OPHN1: variants seen among roughly 807,000 people sequenced by gnomAD.
The protein encoded by OPHN1 is oligophrenin 1, also known as oligophrenin-1.
In OPHN1, 11 loss-of-function variants were observed where a neutral mutation model predicts 60.7. The ratio of observed to expected loss-of-function variants is 0.18; its 90% CI spans 0.11 to 0.30. OPHN1 has a LOEUF of 0.30. Among genes scored for constraint, OPHN1 ranks in the 10% least tolerant of loss-of-function variants. The probability of loss-of-function intolerance (pLI) is 1.00; values close to 1 mark genes in which losing one functional copy is unlikely to be tolerated. For synonymous variants in OPHN1, 226 were observed against 222.6 expected (o/e 1.02, Z -0.14); for missense variants, 449 against 611.0 (o/e 0.73, Z 2.80).
chrX:68,177,620 G>A (rs2077419866), intron 15 of OPHN1, among the ~76,000 whole-genome samples: 1 of 111,183 alleles, frequency 9.0e-6, no homozygotes, highest in African/African-American at 3.3e-5. Flanking sequence ...TTTCTGGGGA[G>A]GCCTCAGGAA....
At chrX:68,078,984 A>AAAT (rs2076964126) in intron 19 of OPHN1, among the ~76,000 whole-genome samples, 2 of 102,032 alleles carry the variant, frequency 2.0e-5, no homozygotes, top group East Asian at 3.3e-4. Context: ...AGACTGTCTC[A>AAAT]AAATAAATAA....
intron 16 of OPHN1, 96 bp downstream of exon 16, chrX:68,119,152 C>G (rs2077139748): frequency 3.3e-6 from 2 of 612,769 alleles, no homozygotes; most frequent in Non-Finnish European, 5.5e-6. Context: ...CAATTCTATC[C>G]AAACTCCTGG....
At chrX:68,059,564 G>T (rs1255247215) in intron 21 of OPHN1, among the ~76,000 whole-genome samples, 6 of 112,116 alleles carry the variant, frequency 5.4e-5, no homozygotes, top group Non-Finnish European at 1.1e-4. Context: ...TAAAGCATAA[G>T]TCCAAACAAG....
At chrX:68,126,431 AT>A (rs1355610905) in intron 15 of OPHN1, among the ~76,000 whole-genome samples, 1 of 110,299 alleles carries the variant, frequency 9.1e-6, no homozygotes, top group Non-Finnish European at 1.9e-5. Flanking sequence ...GCAATTCCAG[AT>A]TTATAGTCTG....
At chrX:68,276,846 T>C (rs906508214) in intron 4 of OPHN1, among the ~76,000 whole-genome samples, 3 of 110,612 alleles carry the variant, frequency 2.7e-5, no homozygotes, top group Admixed American at 1.9e-4. Context: ...GAAGTTTAAT[T>C]ACCCTGAGAT....
chrX:68,419,320 G>A (rs1358275161), intron 2 of OPHN1, among the ~76,000 whole-genome samples: 2 of 108,786 alleles, frequency 1.8e-5, no homozygotes, highest in African/African-American at 3.4e-5. Context: ...CTCTGCTAGC[G>A]TGGCCATCCA....
intron 9 of OPHN1, 126 bp downstream of exon 9, chrX:68,210,027 C>A: frequency 1.5e-6 from 1 of 659,489 alleles, no homozygotes; most frequent in South Asian, 2.4e-5. Context: ...TCCCTGCCTG[C>A]GTTCCAAGGG....
At chrX:68,177,564 C>T (rs928715889) in intron 15 of OPHN1, among the ~76,000 whole-genome samples, 2 of 110,545 alleles carry the variant, frequency 1.8e-5, no homozygotes, top group Non-Finnish European at 3.8e-5. Context: ...AATTGGCTCA[C>T]GGTTCTGCAG....
chrX:68,406,945 T>G (rs998644607), intron 2 of OPHN1, among the ~76,000 whole-genome samples: 22 of 112,659 alleles, frequency 2.0e-4, no homozygotes, highest in Non-Finnish European at 1.9e-5. Context: ...GGCTCATGCC[T>G]GTAATCCCAG....
chrX:68,278,881 G>A (rs938903450), intron 4 of OPHN1, among the ~76,000 whole-genome samples: 3 of 110,149 alleles, frequency 2.7e-5, no homozygotes, highest in South Asian at 3.9e-4. Context: ...GGGAGACTCC[G>A]TCACAAAAAA....
chrX:68,257,769 T>C (rs958425648), intron 5 of OPHN1, among the ~76,000 whole-genome samples: 4 of 111,210 alleles, frequency 3.6e-5, no homozygotes, highest in Admixed American at 9.7e-5. Flanking sequence ...GAAGCTATTG[T>C]AGTGGAAAAC....
intron 19 of OPHN1, among the ~76,000 whole-genome samples, chrX:68,084,898 G>A (rs1011216048): frequency 8.9e-6 from 1 of 112,010 alleles, no homozygotes; most frequent in African/African-American, 3.2e-5. Flanking sequence ...AAAGCAAAGG[G>A]GAAACTTCCT....
At chrX:68,070,270 A>G (rs1402747619) in intron 20 of OPHN1, among the ~76,000 whole-genome samples, 1 of 111,515 alleles carries the variant, frequency 9.0e-6, no homozygotes, top group East Asian at 2.9e-4. Flanking sequence ...ATATGCATAT[A>G]TGCATTCTAG....
chrX:68,119,541 C>T (rs1439936682), intron 15 of OPHN1, among the ~76,000 whole-genome samples: 1 of 111,676 alleles, frequency 9.0e-6, no homozygotes, highest in Non-Finnish European at 1.9e-5. Context: ...CCAATTCACA[C>T]AACAAGAAAA....
intron 2 of OPHN1, among the ~76,000 whole-genome samples, chrX:68,410,926 A>G (rs931829998): frequency 9.8e-5 from 11 of 111,912 alleles, no homozygotes; most frequent in African/African-American, 2.9e-4. Context: ...ACATAATGTA[A>G]TATTATTTCA....
intron 15 of OPHN1, among the ~76,000 whole-genome samples, chrX:68,179,966 C>A (rs1337592871): frequency 1.8e-5 from 2 of 111,221 alleles, no homozygotes; most frequent in Non-Finnish European, 3.8e-5. Flanking sequence ...ACTTAATCAC[C>A]TCTTAAAGGC....
chrX:68,276,103 T>C (rs777939469), intron 4 of OPHN1, among the ~76,000 whole-genome samples: 1 of 111,940 alleles, frequency 8.9e-6, no homozygotes, highest in Admixed American at 9.5e-5. Flanking sequence ...AGTGCTTTTA[T>C]AGTTGGCTTT....
intron 2 of OPHN1, among the ~76,000 whole-genome samples, chrX:68,340,351 A>G (rs1215455202): frequency 8.9e-6 from 1 of 112,598 alleles, no homozygotes; most frequent in African/African-American, 3.2e-5. Context: ...TGGTCTTGGC[A>G]TAAACATAGA....
Position 68,043,975 on chromosome X carries a change from A to G in OPHN1, c.*3197T>C, listed in dbSNP as rs2076824541. 1 of 111,993 alleles carries G rather than the reference A, an allele frequency of 8.9e-6. No individual in the cohort carries two copies. The highest frequency in any genetic ancestry group is 3.7e-4 in the South Asian group (1 of 2,691). 9.2% of individuals were successfully genotyped at this position (111,993 alleles called of 1,213,427 possible). A position where few individuals can be genotyped will look rare whatever the true frequency, so the allele number is the denominator to read the frequency against. On this transcript the variant is annotated 3_prime_UTR_variant, in exon 25 of 25. Transcript: ENST00000355520. ...CCTGTGAGGACCTTTTTACTTTTTGAAAAATGGCAAGCCAAGGACTTAACA... is the reference window on the plus strand; with the variant it reads ...CCTGTGAGGACCTTTTTACTTTTTGGAAAATGGCAAGCCAAGGACTTAACA...
Sources: gnomAD v4.1 joint callset for allele counts (sites outside exome capture counted in the v4.1 genomes callset) on GRCh38, gnomAD v4.1.1 for gene constraint, MANE v1.5 for transcripts, NCBI Gene and HGNC (gene_info 2026-07-23, HGNC 2026-07-21) for gene names.